Variants in NRXN3 observed in about 807,000 individuals in gnomAD.
NRXN3 encodes neurexin 3, also known as neurexin III.
A neutral mutation model predicts 137.6 loss-of-function variants in NRXN3; 32 were observed. The observed-to-expected ratio is 0.23, with a 90% CI of 0.18 to 0.31. The LOEUF is 0.31. Among genes scored for constraint, NRXN3 ranks in the 10% least tolerant of loss-of-function variants. NRXN3 has a pLI of 1.00. For synonymous variants in NRXN3, 798 were observed against 784.5 expected (o/e 1.02, Z -0.29); for missense variants, 1,574 against 2,062.5 (o/e 0.76, Z 4.59).
intron 15 of NRXN3, among the ~76,000 whole-genome samples, chr14:79,266,296 A>G (rs1440110584): frequency 1.3e-5 from 2 of 152,148 alleles, no homozygotes; most frequent in African/African-American, 4.8e-5. Context: ...TAAAGAAACA[A>G]AAGTATGATT....
In NRXN3 at chr14:79,213,037, G is replaced by T. The variant is rs1230975840; in HGVS notation, c.3262+224896G>T. On this transcript the variant is annotated intron_variant, in intron 15 of 20. Coordinates refer to ENST00000335750, the MANE Select transcript of NRXN3 (RefSeq NM_001330195.2). ...AGATACAATATATTTTTTTCGGGTTGCAATTGTATTTTTACAGTAGCTAGC... is the reference window on the plus strand; with the variant it reads ...AGATACAATATATTTTTTTCGGGTTTCAATTGTATTTTTACAGTAGCTAGC... Among the ~76,000 whole-genome samples, 5 of 151,960 alleles carry T rather than the reference G, an allele frequency of 3.3e-5. No homozygotes were observed. In the East Asian group the frequency reaches 9.6e-4, roughly 29 times the overall value.
rs185163460 is a variant in NRXN3 at position 79,383,989 on chromosome 14, C to G, written c.3263-83232C>G. Among the ~76,000 whole-genome samples the G allele has an allele frequency of 6.7e-3, 1,018 of 152,096 alleles. 8 individuals carry two copies. The highest frequency in any genetic ancestry group is 7.3e-3 in the Non-Finnish European group (499 of 67,988). On this transcript the variant is annotated intron_variant, in intron 15 of 20. Transcript: ENST00000335750. ...AGGTCAGTGTTTTTATTTCATTATGCTGGAAGTCCTCTTAGCTGCGAAATC... is the reference window on the plus strand; with the variant it reads ...AGGTCAGTGTTTTTATTTCATTATGGTGGAAGTCCTCTTAGCTGCGAAATC...
At chr14:79,712,586 A>G (rs2098808338) in intron 19 of NRXN3, among the ~76,000 whole-genome samples, 1 of 152,166 alleles carries the variant, frequency 6.6e-6, no homozygotes, top group African/African-American at 2.4e-5. Flanking sequence ...CTGTTATGAC[A>G]ATTTCTGTTT....
chr14:79,103,437 C>T (rs1375675421), intron 15 of NRXN3, among the ~76,000 whole-genome samples: 2 of 152,128 alleles, frequency 1.3e-5, no homozygotes, highest in African/African-American at 4.8e-5. Flanking sequence ...GAGACAGGAA[C>T]AACACGTTCT....
At chr14:79,258,707 G>T (rs999974905) in intron 15 of NRXN3, among the ~76,000 whole-genome samples, 24 of 152,176 alleles carry the variant, frequency 1.6e-4, no homozygotes, top group African/African-American at 5.8e-4. Flanking sequence ...TTGGCTCATT[G>T]TTGGTGACAA....
intron 16 of NRXN3, among the ~76,000 whole-genome samples, chr14:79,483,754 A>G (rs1296183196): frequency 6.6e-6 from 1 of 152,028 alleles, no homozygotes; most frequent in Non-Finnish European, 1.5e-5. Flanking sequence ...TTCATTTCAC[A>G]CAGTGGGAAA....
intron 15 of NRXN3, among the ~76,000 whole-genome samples, chr14:79,249,542 A>ATGGC (rs1335201549): frequency 6.6e-6 from 1 of 152,234 alleles, no homozygotes; most frequent in Non-Finnish European, 1.5e-5. Flanking sequence ...TTCCATGAAC[A>ATGGC]TGGCTGGTGT....
chr14:79,558,009 T>C (rs2097448564), intron 16 of NRXN3, among the ~76,000 whole-genome samples: 1 of 152,226 alleles, frequency 6.6e-6, no homozygotes, highest in Admixed American at 6.6e-5. Context: ...CAAAAGTAGA[T>C]TCCATTTTAA....
intron 16 of NRXN3, among the ~76,000 whole-genome samples, chr14:79,531,725 C>T (rs1019992112): frequency 2.6e-5 from 4 of 152,086 alleles, no homozygotes; most frequent in Non-Finnish European, 5.9e-5. Context: ...GGGTTCGGAC[C>T]ATGATATCCA....
At chr14:79,193,237 T>G (rs2153186479) in intron 15 of NRXN3, among the ~76,000 whole-genome samples, 1 of 152,294 alleles carries the variant, frequency 6.6e-6, no homozygotes, top group African/African-American at 2.4e-5. Context: ...TTTAAAGGAA[T>G]ATAAATTAAA....
chr14:78,264,010 C>G (rs1164436626), intron 2 of NRXN3, among the ~76,000 whole-genome samples: 1 of 151,804 alleles, frequency 6.6e-6, no homozygotes, highest in Non-Finnish European at 1.5e-5. Context: ...ACGTCAGTCC[C>G]TTTCCTAATA....
Position 78,645,337 on chromosome 14 carries a change from CT to C in NRXN3, c.978del (p.Phe326LeufsTer8). Reference sequence around the variant, plus strand: ...TGGTCATTAACCTGGGGTCCGGGGCCTTTGAGGCCATTGTGGAGCCAGTGAA... The same window carrying C: ...TGGTCATTAACCTGGGGTCCGGGGCCTTGAGGCCATTGTGGAGCCAGTGAA... Reference protein sequence around the residue: ...SLVINLGSGAFEAIVEPVNGK... With the variant: ...SLVINLGSGAXEAIVEPVNGK... On this transcript the variant is annotated frameshift_variant, in exon 5 of 21. Transcript: ENST00000335750. LOFTEE classifies it high-confidence loss of function. The C allele has an allele frequency of 6.3e-7, 1 of 1,598,774 alleles. No homozygotes were observed. The highest frequency in any genetic ancestry group is 8.5e-7 in the Non-Finnish European group (1 of 1,179,670).
intron 4 of NRXN3, among the ~76,000 whole-genome samples, chr14:78,399,667 T>C (rs1194603622): frequency 2.0e-5 from 3 of 152,222 alleles, no homozygotes; most frequent in African/African-American, 4.8e-5. Context: ...GAATTTGTGG[T>C]TAGTTGGCCC....
intron 15 of NRXN3, among the ~76,000 whole-genome samples, chr14:79,443,304 T>C (rs1005451233): frequency 2.0e-5 from 3 of 152,220 alleles, no homozygotes; most frequent in Admixed American, 6.5e-5. Flanking sequence ...CAAACTTGTA[T>C]GAAGTTAGGG....
At chr14:79,522,195 A>G (rs1330910381) in intron 16 of NRXN3, among the ~76,000 whole-genome samples, 1 of 152,210 alleles carries the variant, frequency 6.6e-6, no homozygotes, top group East Asian at 1.9e-4. Context: ...AAAGGTAGAC[A>G]CAAGTTGACA....
At chr14:79,113,419 C>A (rs758779785) in intron 15 of NRXN3, among the ~76,000 whole-genome samples, 12 of 152,112 alleles carry the variant, frequency 7.9e-5, no homozygotes, top group Admixed American at 2.6e-4. Flanking sequence ...ATCAATTACC[C>A]CCTCTTGACT....
At chr14:78,469,625 C>T (rs564238611) in intron 4 of NRXN3, among the ~76,000 whole-genome samples, 1 of 152,284 alleles carries the variant, frequency 6.6e-6, no homozygotes, top group African/African-American at 2.4e-5. Context: ...CCTGGATCAA[C>T]ACCTGGTGTT....
In NRXN3 at chr14:78,759,733, G is replaced by A. The variant is rs542782510; in HGVS notation, c.2045-43887G>A. Among the ~76,000 whole-genome samples the A allele has an allele frequency of 4.6e-5, 7 of 152,298 alleles. No homozygotes were observed. In the South Asian group the frequency reaches 1.4e-3, roughly 32 times the overall value. ...AAAGAAAAAAGGCAAAAAATTCCTG[G>A]CTGAGGTGTTTAAGGAAAAGCTTAA... On this transcript the variant is annotated intron_variant, in intron 8 of 20. Transcript: ENST00000335750.
At chr14:79,694,226 C>T (rs2154026981) in intron 18 of NRXN3, among the ~76,000 whole-genome samples, 1 of 152,008 alleles carries the variant, frequency 6.6e-6, no homozygotes, top group South Asian at 2.1e-4. Flanking sequence ...CTCTCTATAT[C>T]TCAGATTTCC....
Sources: gnomAD v4.1 joint callset for allele counts (sites outside exome capture counted in the v4.1 genomes callset) on GRCh38, gnomAD v4.1.1 for gene constraint, MANE v1.5 for transcripts, NCBI Gene and HGNC (gene_info 2026-07-23, HGNC 2026-07-21) for gene names.